PPP1R35: variants seen among roughly 807,000 people sequenced by gnomAD.
The protein encoded by PPP1R35 is UPF0683 protein C7orf47.
In PPP1R35, 23 loss-of-function variants were observed where a neutral mutation model predicts 22.2. The observed-to-expected ratio is 1.04, with a 90% CI of 0.75 to 1.47. The LOEUF (loss-of-function observed/expected upper bound fraction) is 1.47, where lower values mean the gene tolerates loss of function less well. Among genes scored for constraint, PPP1R35 ranks in the 40% most tolerant of loss-of-function variants. The pLI is 0.00. For synonymous variants in PPP1R35, 198 were observed against 165.7 expected (o/e 1.19, Z -1.50); for missense variants, 409 against 349.6 (o/e 1.17, Z -1.36).
At chr7:100,436,578 C>G (rs939439500), upstream of PPP1R35, 30 of 407,058 alleles carry the variant, frequency 7.4e-5, no homozygotes, top group Non-Finnish European at 5.2e-5. Context: ...CGCTCCGTCC[C>G]CAGGTTTCCG....
chr7:100,435,600 T>G (rs1165368356), intron 3 of PPP1R35, 31 bp downstream of exon 3: 1 of 1,613,968 alleles, frequency 6.2e-7, no homozygotes, highest in Admixed American at 1.7e-5. Context: ...AGGGGGTACA[T>G]GGAGGAAGCC....
rs1043670801 is a variant in PPP1R35 at position 100,435,312 on chromosome 7, A to G, written c.*48T>C. The G allele has an allele frequency of 1.3e-6, 2 of 1,540,858 alleles. No individual in the cohort carries two copies. The highest frequency in any genetic ancestry group is 1.7e-6 in the Non-Finnish European group (2 of 1,147,202). On this transcript the variant is annotated 3_prime_UTR_variant, in exon 4 of 4. Transcript: ENST00000292330. ...TAGCAAAATTACTTTATTCTAACAA[A>G]TAGTTTAACACAAAAATACGAACTA...
Position 100,435,699 on chromosome 7 carries a change from C to G in PPP1R35, c.520G>C (p.Val174Leu), listed in dbSNP as rs777397101. 3.1e-6 allele frequency: 5 copies of G among 1,606,684 alleles called. No homozygotes were observed. In the East Asian group the frequency reaches 1.1e-4, roughly 36 times the overall value. Residue 174 changes from valine (V) to leucine (L), a missense_variant, in exon 3 of 4, where the codon GTT (valine) becomes CTT (leucine). Physicochemically the swap from Val to Leu is conservative, Grantham distance 32. Transcript: ENST00000292330. The stretch of plus-strand genomic sequence containing the variant: ...TTCTCCCTGAGCGCGGCATTCAGAA[C>G]CTGTTCCTCCGGCACCTGCAGGCTC... ...LVSLQVPEEQ[V>L]LNAALREKLA...
Position 100,435,365 on chromosome 7 carries a change from C to A in PPP1R35, c.757G>T (p.Ala253Ser). ...CCTCCAGGGATCTTTGGGGTCTACGCTTCCCATCGCCTCAGTGTCCGGTGC... is the reference window on the plus strand; with the variant it reads ...CCTCCAGGGATCTTTGGGGTCTACGATTCCCATCGCCTCAGTGTCCGGTGC... The part of the protein sequence containing the change: ...LMHRTLRRWE[A>S] Residue 253 changes from alanine to serine, a missense_variant, in exon 4 of 4, where the codon GCG becomes TCG. Transcript: ENST00000292330. The A allele has an allele frequency of 6.3e-7, 1 of 1,596,466 alleles. No homozygotes were observed. Among genetic ancestry groups the A allele is most frequent in the Non-Finnish European group, 8.5e-7 (1 of 1,174,232 alleles).
At position 100,436,341 on chromosome 7, in the gene PPP1R35, A is replaced by T; in HGVS notation, c.34T>A (p.Ser12Thr). 7.1e-7 allele frequency: 1 copy of T among 1,405,754 alleles called. No homozygotes were observed. Among genetic ancestry groups the T allele is most frequent in the South Asian group, 1.7e-5 (1 of 59,682 alleles). The allele number at this position is 1,405,754 out of a possible 1,614,324, so 87.1% of individuals were successfully genotyped here. The change falls in exon 1 of 4, where the codon TCG becomes ACG. Residue 12 changes from serine (S) to threonine (T), a missense_variant. Coordinates refer to ENST00000292330, the MANE Select transcript of PPP1R35 (RefSeq NM_145030.4). ...GCCGCGGCTTCTTCCCCGTCCGCCG[A>T]CTTCAGCTCTGACTCCCCACAACCC... ...MMGCGESELK[S>T]ADGEEAAAVP... is the part of the protein sequence containing the mutation.
rs559044871 is a variant in PPP1R35 at position 100,436,061 on chromosome 7, G to T, written c.238C>A (p.Arg80Ser). ...GGGGAGGGCGGCGTCAGGCGGAAGCGGACCTGGGAGCAGAGGGCAGGGCAG... is the reference window on the plus strand; with the variant it reads ...GGGGAGGGCGGCGTCAGGCGGAAGCTGACCTGGGAGCAGAGGGCAGGGCAG... ...RGAARQRRQV[R>S]FRLTPPSPVR... The change falls in exon 2 of 4, where the codon CGC (arginine) becomes AGC (serine). Residue 80 changes from arginine to serine, a missense_variant. Coordinates refer to ENST00000292330, the MANE Select transcript of PPP1R35 (RefSeq NM_145030.4). 3.3e-6 allele frequency: 5 copies of T among 1,534,134 alleles called. No individual in the cohort carries two copies. The African/African-American group carries it at 5.5e-5, about 17-fold the overall frequency.
chr7:100,435,692 T>C lies in PPP1R35; in HGVS notation c.527A>G (p.Asn176Ser), dbSNP rs1019628737. The C allele has an allele frequency of 1.2e-6, 2 of 1,608,216 alleles. No individual in the cohort carries two copies. The highest frequency in any genetic ancestry group is 1.6e-4 in the Middle Eastern group (1 of 6,082). Residue 176 changes from asparagine to serine, a missense_variant, in exon 3 of 4, where the codon AAT becomes AGT. Transcript: ENST00000292330. ...SLQVPEEQVL[N>S]AALREKLALL... Reference sequence around the variant, plus strand: ...AGCCAATTTCTCCCTGAGCGCGGCATTCAGAACCTGTTCCTCCGGCACCTG... The same window carrying C: ...AGCCAATTTCTCCCTGAGCGCGGCACTCAGAACCTGTTCCTCCGGCACCTG...
chr7:100,436,657 G>C (rs1009078762), upstream of PPP1R35: 4 of 323,192 alleles, frequency 1.2e-5, no homozygotes, highest in African/African-American at 2.1e-5. Context: ...CACAGCCTTG[G>C]CACCGCCCCC....
In PPP1R35 at chr7:100,436,428, G is replaced by C; in HGVS notation, c.-54C>G. ...TGCGGGGGTCGCAGACGCTCCAACGGTCAGGGGACACAGCCTGGCTGCCGC... is the reference window on the plus strand; with the variant it reads ...TGCGGGGGTCGCAGACGCTCCAACGCTCAGGGGACACAGCCTGGCTGCCGC... On this transcript the variant is annotated 5_prime_UTR_variant, in exon 1 of 4. Coordinates refer to ENST00000292330, the MANE Select transcript of PPP1R35 (RefSeq NM_145030.4). The C allele has an allele frequency of 7.5e-7, 1 of 1,327,238 alleles. No homozygotes were observed. Among genetic ancestry groups the C allele is most frequent in the Non-Finnish European group, 1.0e-6 (1 of 991,840 alleles). The allele number at this position is 1,327,238 out of a possible 1,614,324, so 82.2% of individuals were successfully genotyped here.
Position 100,435,524 on chromosome 7 carries a change from C to T in PPP1R35, c.598G>A (p.Gly200Arg). 2 of 1,614,144 alleles carry T rather than the reference C, an allele frequency of 1.2e-6. No individual in the cohort carries two copies. ...AAGATGGTCATGTCTGGCCCAGGCC[C>T]AGGTGGCTCCTGTTGGGAGGTTGGG... is the stretch of plus-strand genomic sequence containing the variant. ...ARAPHPKEPP[G>R]PGPDMTILCD... Residue 200 changes from glycine (G) to arginine (R), a missense_variant, in exon 4 of 4, where the codon GGG becomes AGG. Coordinates refer to ENST00000292330, the MANE Select transcript of PPP1R35 (RefSeq NM_145030.4).
Position 100,435,429 on chromosome 7 carries a change from A to T in PPP1R35, c.693T>A (p.Leu231=). 3 of 1,612,364 alleles carry T rather than the reference A, an allele frequency of 1.9e-6. No homozygotes were observed. The highest frequency in any genetic ancestry group is 2.5e-6 in the Non-Finnish European group (3 of 1,179,564). The change falls in exon 4 of 4, where the codon CTT becomes CTA. Residue 231 remains leucine, a synonymous_variant. Transcript: ENST00000292330. The stretch of plus-strand genomic sequence containing the variant: ...CCTCTGAAGGGCGGGGCCGGAGTTG[A>T]AGTCGGAGAGGGGGCAGACCGTCCA... ...LTLDGLPPLR[L]QLRPRPSEDT...
At chr7:100,435,566 AC>A in intron 3 of PPP1R35, 33 bp from the exon 4 acceptor site, 14 of 1,614,132 alleles carry the variant, frequency 8.7e-6, no homozygotes, top group Non-Finnish European at 1.1e-5. Context: ...GCAAGGTTAC[AC>A]TTTGGGAGGA....
rs902299713 is a variant in PPP1R35, at chr7:100,436,463, CCCGCCCCTCCTAGACG to C, written c.-105_-90del. On this transcript the variant is annotated 5_prime_UTR_variant, in exon 1 of 4. Transcript: ENST00000292330. ...ACAGCCTGGCTGCCGCCTCCTTTCC[CCCGCCCCTCCTAGACG>C]CCGCTACCGGAAACCGTTAACCCTT... is the stretch of plus-strand genomic sequence containing the variant. 3.3e-5 allele frequency: 33 copies of C among 986,284 alleles called. No homozygotes were observed. Among genetic ancestry groups the C allele is most frequent in the Non-Finnish European group, 4.6e-5 (33 of 710,668 alleles). The allele number at this position is 986,284 out of a possible 1,614,324, so 61.1% of individuals were successfully genotyped here. A position where few individuals can be genotyped will look rare whatever the true frequency, so the allele number is the denominator to read the frequency against.
chr7:100,436,284 G>C lies in PPP1R35; in HGVS notation c.91C>G (p.Pro31Ala). The change falls in exon 1 of 4, where the codon CCG becomes GCG. Residue 31 changes from proline to alanine, a missense_variant. By Grantham distance (27) the Pro-to-Ala change is conservative. Transcript: ENST00000292330. ...VPGPPPEPQV[P>A]QLRAPVPEPG... is the part of the protein sequence containing the mutation. ...TCGGGCACTGGGGCTCGGAGTTGCG[G>C]GACTTGGGGCTCCGGGGGTGGCCCC... 1 of 1,358,784 alleles carries C rather than the reference G, an allele frequency of 7.4e-7. No individual in the cohort carries two copies. Among genetic ancestry groups the C allele is most frequent in the Admixed American group, 3.0e-5 (1 of 33,784 alleles). The allele number at this position is 1,358,784 out of a possible 1,614,324, so 84.2% of individuals were successfully genotyped here.
At position 100,435,397 on chromosome 7, in the gene PPP1R35, A is replaced by G. The variant is rs1798841123; in HGVS notation, c.725T>C (p.Phe242Ser). ...QLRPRPSEDT[F>S]LMHRTLRRWE... ...TCGCCTCAGTGTCCGGTGCATGAGG[A>G]AGGTGTCCTCTGAAGGGCGGGGCCG... The change falls in exon 4 of 4, where the codon TTC (phenylalanine) becomes TCC (serine). Residue 242 changes from phenylalanine (F) to serine (S), a missense_variant. Phe to Ser is a radical substitution (Grantham distance 155, BLOSUM62 -2). Transcript: ENST00000292330. The G allele has an allele frequency of 6.2e-7, 1 of 1,611,024 alleles. No homozygotes were observed. The highest frequency in any genetic ancestry group is 8.5e-7 in the Non-Finnish European group (1 of 1,179,160).
In PPP1R35 at chr7:100,436,158, C is replaced by T. The variant is rs1210520040; in HGVS notation, c.217G>A (p.Ala73Thr). Residue 73 changes from alanine to threonine, a missense_variant, in exon 1 of 4, where the codon GCT (alanine) becomes ACT (threonine). Transcript: ENST00000292330. ...CCGCTCACCTGCCGCCGCTGCCGAGCCGCGCCCCGCCGCTCCGCCCGCCCC... is the reference window on the plus strand; with the variant it reads ...CCGCTCACCTGCCGCCGCTGCCGAGTCGCGCCCCGCCGCTCCGCCCGCCCC... The part of the protein sequence containing the change: ...RKGRAERRGA[A>T]RQRRQVRFRL... 80 of 1,242,070 alleles carry T rather than the reference C, an allele frequency of 6.4e-5. No homozygotes were observed. The highest frequency in any genetic ancestry group is 8.0e-5 in the Non-Finnish European group (80 of 997,316). 76.9% of individuals were successfully genotyped at this position (1,242,070 alleles called of 1,614,324 possible).
Position 100,436,294 on chromosome 7 carries a change from C to T in PPP1R35, c.81G>A (p.Glu27=), listed in dbSNP as rs771639377. 7.3e-7 allele frequency: 1 copy of T among 1,373,478 alleles called. No homozygotes were observed. Among genetic ancestry groups the T allele is most frequent in the East Asian group, 2.8e-5 (1 of 36,130 alleles). The allele number at this position is 1,373,478 out of a possible 1,614,324, so 85.1% of individuals were successfully genotyped here. The part of the protein sequence containing the change: ...EAAAVPGPPP[E]PQVPQLRAPV... ...GGGCTCGGAGTTGCGGGACTTGGGG[C>T]TCCGGGGGTGGCCCCGGGACCGCCG... Residue 27 remains glutamate, a synonymous_variant, in exon 1 of 4, where the codon GAG becomes GAA. Coordinates refer to ENST00000292330, the MANE Select transcript of PPP1R35 (RefSeq NM_145030.4).
rs1798842657 is a variant in PPP1R35, at chr7:100,435,437, GA to G, written c.684del (p.Leu229SerfsTer20). On this transcript the variant is annotated frameshift_variant, in exon 4 of 4. Transcript: ENST00000292330. LOFTEE classifies it high-confidence loss of function. ...SPHLTLDGLP[P>X]LRLQLRPRPS... ...GGGCGGGGCCGGAGTTGAAGTCGGA[GA>G]GGGGGCAGACCGTCCAGGGTCAGGT... The G allele has an allele frequency of 6.2e-7, 1 of 1,612,520 alleles. No homozygotes were observed. The highest frequency in any genetic ancestry group is 8.5e-7 in the Non-Finnish European group (1 of 1,179,660).
In PPP1R35 at chr7:100,435,413, G is replaced by A; in HGVS notation, c.709C>T (p.Pro237Ser). ...PPLRLQLRPR[P>S]SEDTFLMHRT... Reference sequence around the variant, plus strand: ...TGCATGAGGAAGGTGTCCTCTGAAGGGCGGGGCCGGAGTTGAAGTCGGAGA... The same window carrying A: ...TGCATGAGGAAGGTGTCCTCTGAAGAGCGGGGCCGGAGTTGAAGTCGGAGA... The change falls in exon 4 of 4, where the codon CCT becomes TCT. Residue 237 changes from proline to serine, a missense_variant. Physicochemically the swap from Pro to Ser is moderately conservative, Grantham distance 74 (BLOSUM62 -1). Transcript: ENST00000292330. 6.2e-7 allele frequency: 1 copy of A among 1,612,708 alleles called. No individual in the cohort carries two copies. The highest frequency in any genetic ancestry group is 2.2e-5 in the East Asian group (1 of 44,880).
Sources: allele counts gnomAD v4.1 joint callset, GRCh38; gene constraint gnomAD v4.1.1; transcripts MANE v1.5; gene names NCBI Gene and HGNC (gene_info 2026-07-23, HGNC 2026-07-21).